The following ACO1 variants were observed in gnomAD, a reference collection of about 807,000 sequenced individuals.
ACO1 encodes the protein aconitase 1.
In ACO1, 78 loss-of-function variants were observed where a neutral mutation model predicts 105.1. That is an observed-to-expected ratio of 0.74 (90% CI 0.62 to 0.90). The LOEUF (loss-of-function observed/expected upper bound fraction) is 0.90, where lower values mean the gene tolerates loss of function less well. ACO1 is among the 40% of genes least tolerant of loss of function. The pLI is 0.00. For synonymous variants in ACO1, 364 were observed against 397.4 expected (o/e 0.92, Z 1.00); for missense variants, 965 against 1,111.1 (o/e 0.87, Z 1.87).
chr9:32,434,538 A>G (rs1822311896), intron 16 of ACO1, 21 bp from the exon 17 acceptor site: 4 of 1,613,550 alleles, frequency 2.5e-6, no homozygotes, highest in Non-Finnish European at 3.4e-6. Context: ...GCCAATGCTG[A>G]CTTTTTGTAT....
intron 8 of ACO1, among the ~76,000 whole-genome samples, chr9:32,422,419 A>G (rs1821995169): frequency 6.6e-6 from 1 of 152,210 alleles, no homozygotes; most frequent in African/African-American, 2.4e-5. Context: ...GCTGTCTTTT[A>G]TGAGGTCTGT....
chr9:32,435,949 C>G (rs973444257), intron 17 of ACO1: 1 of 523,378 alleles, frequency 1.9e-6, no homozygotes, highest in East Asian at 4.9e-5. Context: ...TATAGGCTAC[C>G]CTACTAACAA....
chr9:32,403,126 G>T (rs866671127), intron 1 of ACO1, among the ~76,000 whole-genome samples: 31 of 152,340 alleles, frequency 2.0e-4, no homozygotes, highest in African/African-American at 7.5e-4. Flanking sequence ...CAGGGTGGCT[G>T]CACCTAGAGA....
At chr9:32,394,135 C>CACTT (rs1391796780) in intron 1 of ACO1, among the ~76,000 whole-genome samples, 3 of 152,350 alleles carry the variant, frequency 2.0e-5, no homozygotes, top group African/African-American at 7.2e-5. Context: ...CACAATGTCA[C>CACTT]ACTTTTGTGC....
chr9:32,450,450 C>A lies in ACO1; in HGVS notation c.*339C>A, dbSNP rs1002535641. On this transcript the variant is annotated 3_prime_UTR_variant, in exon 21 of 21. Coordinates refer to ENST00000309951, the MANE Select transcript of ACO1 (RefSeq NM_002197.3). ...CTATTAATCTTCAGCTGAACACAAG[C>A]AAACCTTCTCAGGAGGTGTCTCCTA... 1 of 364,822 alleles carries A rather than the reference C, an allele frequency of 2.7e-6. No homozygotes were observed. The highest frequency in any genetic ancestry group is 5.3e-6 in the Non-Finnish European group (1 of 188,192). The allele number at this position is 364,822 out of a possible 1,614,324, so 22.6% of individuals were successfully genotyped here.
At position 32,398,843 on chromosome 9, in the gene ACO1, C is replaced by T. The variant is rs146161314; in HGVS notation, c.-22-6642C>T. ...CTCCTGGGCTCAAGCAGTCCACCCA[C>T]GTTGGCCTCCCAAATTGCTGGGATT... is the stretch of plus-strand genomic sequence containing the variant. On this transcript the variant is annotated intron_variant, in intron 1 of 20. Coordinates refer to ENST00000309951, the MANE Select transcript of ACO1 (RefSeq NM_002197.3). Among the ~76,000 whole-genome samples, 708 of 152,272 alleles carry T rather than the reference C, an allele frequency of 4.6e-3. 7 individuals are homozygous for T. Among genetic ancestry groups the T allele is most frequent in the African/African-American group, 0.016 (664 of 41,556 alleles).
rs1254565741 is a variant in ACO1 at position 32,451,761 on chromosome 9, A to T, written c.*1650A>T. ...GGGGATCTTATTTATATTCATTTAA[A>T]AAATAAATTACAAACAAACAGCCAG... On this transcript the variant is annotated 3_prime_UTR_variant, in exon 21 of 21. Transcript: ENST00000309951. The T allele has an allele frequency of 6.6e-6, 1 of 152,228 alleles. No homozygotes were observed. The highest frequency in any genetic ancestry group is 1.5e-5 in the Non-Finnish European group (1 of 68,044). 9.4% of individuals were successfully genotyped at this position (152,228 alleles called of 1,614,324 possible).
At chr9:32,400,087 C>T (rs1417133642) in intron 1 of ACO1, among the ~76,000 whole-genome samples, 1 of 145,124 alleles carries the variant, frequency 6.9e-6, no homozygotes, top group Non-Finnish European at 1.5e-5. Flanking sequence ...TCTCCTTCCT[C>T]AGCCTCCTGA....
intron 7 of ACO1, 83 bp from the exon 8 acceptor site, chr9:32,420,768 CTAGTT>C (rs1821955185): frequency 1.2e-5 from 17 of 1,388,744 alleles, no homozygotes; most frequent in Non-Finnish European, 1.7e-5. Flanking sequence ...ACTGACAAGA[CTAGTT>C]TATAAGAAGT....
In ACO1 at chr9:32,412,144, C is replaced by T. The variant is rs888806789; in HGVS notation, c.404+3493C>T. Among the ~76,000 whole-genome samples the T allele has an allele frequency of 2.6e-5, 4 of 152,140 alleles. No individual in the cohort carries two copies. The East Asian group carries it at 7.7e-4, about 29-fold the overall frequency. ...CATTCTAAATGTCCAACAAAAAATG[C>T]TTTATTAAATTACGGTATACCCCTG... On this transcript the variant is annotated intron_variant, in intron 4 of 20. Coordinates refer to ENST00000309951, the MANE Select transcript of ACO1 (RefSeq NM_002197.3).
chr9:32,420,791 G>C, intron 7 of ACO1, 65 bp from the exon 8 acceptor site: 1 of 1,534,392 alleles, frequency 6.5e-7, no homozygotes, highest in Non-Finnish European at 8.9e-7. Context: ...AGTGCAAGAT[G>C]GTAGTTCTGC....
chr9:32,418,451 A>G lies in ACO1; in HGVS notation c.598A>G (p.Ser200Gly). ...FDQDGYYYPD[S>G]LVGTDSHTTM... ...TCAGGATGGATATTATTACCCAGAC[A>G]GCCTCGTGGGCACAGACTCGCACAC... The change falls in exon 6 of 21, where the codon AGC (serine) becomes GGC (glycine). Residue 200 changes from serine to glycine, a missense_variant. Ser to Gly is a moderately conservative substitution (Grantham distance 56, BLOSUM62 0). Coordinates refer to ENST00000309951, the MANE Select transcript of ACO1 (RefSeq NM_002197.3). The G allele has an allele frequency of 6.2e-7, 1 of 1,614,226 alleles. No individual in the cohort carries two copies. Among genetic ancestry groups the G allele is most frequent in the Non-Finnish European group, 8.5e-7 (1 of 1,180,026 alleles).
intron 4 of ACO1, among the ~76,000 whole-genome samples, chr9:32,417,527 T>G (rs771408880): frequency 3.3e-5 from 5 of 152,228 alleles, no homozygotes; most frequent in Non-Finnish European, 5.9e-5. Context: ...TGGTGCCCTG[T>G]GTTGTCCTGA....
intron 18 of ACO1, among the ~76,000 whole-genome samples, chr9:32,438,909 GA>G (rs1310263612): frequency 1.3e-5 from 2 of 152,202 alleles, no homozygotes; most frequent in African/African-American, 4.8e-5. Flanking sequence ...AAAAAGTGGA[GA>G]AATCAAGAAC....
intron 4 of ACO1, among the ~76,000 whole-genome samples, chr9:32,417,053 G>A (rs1329195529): frequency 1.3e-5 from 2 of 152,122 alleles, no homozygotes; most frequent in African/African-American, 4.8e-5. Flanking sequence ...TGTGGTATAG[G>A]GATTAAAGGA....
chr9:32,436,630 T>A (rs1722852175), intron 18 of ACO1, among the ~76,000 whole-genome samples: 1 of 152,212 alleles, frequency 6.6e-6, no homozygotes, highest in Admixed American at 6.5e-5. Context: ...TCTCTTTTCT[T>A]AGGAATTGAG....
intron 20 of ACO1, among the ~76,000 whole-genome samples, chr9:32,449,558 C>T (rs991332873): frequency 1.3e-5 from 2 of 152,140 alleles, no homozygotes; most frequent in East Asian, 3.9e-4. Context: ...GTGCCCCAGA[C>T]AGAGGCAGTG....
At position 32,450,154 on chromosome 9, in the gene ACO1, A is replaced by ACCAGCCAGC; in HGVS notation, c.*44_*52dup. On this transcript the variant is annotated 3_prime_UTR_variant, in exon 21 of 21. Transcript: ENST00000309951. ...CTGCGCCCAGGGAGGAAGCCGCACC[A>ACCAGCCAGC]CCAGCCAGCGCAGGCCCTGGTGGAG... 1 of 1,525,132 alleles carries ACCAGCCAGC rather than the reference A, an allele frequency of 6.6e-7. No homozygotes were observed. Among genetic ancestry groups the ACCAGCCAGC allele is most frequent in the Non-Finnish European group, 9.1e-7 (1 of 1,101,764 alleles). 94.5% of individuals were successfully genotyped at this position (1,525,132 alleles called of 1,614,324 possible).
Position 32,418,418 on chromosome 9 carries a change from G to C in ACO1, c.565G>C (p.Val189Leu). The C allele has an allele frequency of 6.2e-7, 1 of 1,614,194 alleles. No individual in the cohort carries two copies. Among genetic ancestry groups the C allele is most frequent in the South Asian group, 1.1e-5 (1 of 91,084 alleles). The change falls in exon 6 of 21, where the codon GTA becomes CTA. Residue 189 changes from valine to leucine, a missense_variant. Val to Leu is a conservative substitution (Grantham distance 32). Coordinates refer to ENST00000309951, the MANE Select transcript of ACO1 (RefSeq NM_002197.3). ...QVNLEYLARV[V>L]FDQDGYYYPD... Reference sequence around the variant, plus strand: ...GAATTTGGAATATTTGGCAAGAGTGGTATTTGATCAGGATGGATATTATTA... The same window carrying C: ...GAATTTGGAATATTTGGCAAGAGTGCTATTTGATCAGGATGGATATTATTA...
Sources: allele counts gnomAD v4.1 joint callset (sites outside exome capture counted in the v4.1 genomes callset), GRCh38; gene constraint gnomAD v4.1.1; transcripts MANE v1.5; gene names NCBI Gene and HGNC (gene_info 2026-07-23, HGNC 2026-07-21).